Variants in ADAMTS7 observed in about 807,000 individuals in gnomAD.
ADAMTS7 encodes A disintegrin and metalloproteinase with thrombospondin motifs 7.
A neutral mutation model predicts 172.6 loss-of-function variants in ADAMTS7; 89 were observed. The observed-to-expected ratio is 0.52, with a 90% CI of 0.43 to 0.61. The LOEUF (loss-of-function observed/expected upper bound fraction) is 0.61, where lower values mean the gene tolerates loss of function less well. Ranked by LOEUF, ADAMTS7 falls within the 20% of genes least tolerant of loss-of-function variation. The probability of loss-of-function intolerance (pLI) is 0.00; values close to 1 mark genes in which losing one functional copy is unlikely to be tolerated. For missense variants in ADAMTS7, 1,973 were observed against 2,355.6 expected (o/e 0.84, Z 3.36); for synonymous variants, 885 against 978.4 (o/e 0.90, Z 1.78).
chr15:78,783,090 G>C (rs1009261233), intron 8 of ADAMTS7, among the ~76,000 whole-genome samples: 1 of 152,066 alleles, frequency 6.6e-6, no homozygotes, highest in East Asian at 1.9e-4. Context: ...GATTCCTCTC[G>C]GAAAACTGAA....
In ADAMTS7 at chr15:78,763,795, C is replaced by G. The variant is rs751990791; in HGVS notation, c.4644G>C (p.Pro1548=). 1 of 1,587,028 alleles carries G rather than the reference C, an allele frequency of 6.3e-7. No homozygotes were observed. The highest frequency in any genetic ancestry group is 8.6e-7 in the Non-Finnish European group (1 of 1,169,098). Residue 1548 remains proline (P), a synonymous_variant, in exon 22 of 24, where the codon CCG becomes CCC. Transcript: ENST00000388820. ...GCGCCTCCTCGCAGAGGCCTGGCTC[C>G]GGGCAGGTCACTAGACGCTGCTGCT... is the stretch of plus-strand genomic sequence containing the variant. ...GGEQQRLVTC[P]EPGLCEEALR... is the part of the protein sequence containing the mutation.
intron 18 of ADAMTS7, 94 bp from the exon 19 acceptor site, chr15:78,767,145 T>C (rs1279725189): frequency 7.3e-6 from 10 of 1,362,854 alleles, no homozygotes; most frequent in Non-Finnish European, 9.9e-6. Context: ...CTGCCCGATG[T>C]CAGAGTGGCA....
In ADAMTS7 at chr15:78,764,604, C is replaced by T. The variant is rs747025333; in HGVS notation, c.4370G>A (p.Arg1457His). 1.3e-5 allele frequency: 21 copies of T among 1,556,588 alleles called. No individual in the cohort carries two copies. The highest frequency in any genetic ancestry group is 4.5e-4 in the Middle Eastern group (2 of 4,414). ...GGTGGCACAGGGCCGCAGGTGGCAG[C>T]GGCGGGCAGGCTGGGGCCGGCCAGC... is the stretch of plus-strand genomic sequence containing the variant. ...APAGRPQPAR[R>H]CHLRPCATWH... Residue 1457 changes from arginine to histidine, a missense_variant, in exon 20 of 24, where the codon CGC becomes CAC. Coordinates refer to ENST00000388820, the MANE Select transcript of ADAMTS7 (RefSeq NM_014272.5).
chr15:78,791,196 T>C lies in ADAMTS7; in HGVS notation c.847A>G (p.Ile283Val), dbSNP rs775700655. 6.2e-7 allele frequency: 1 copy of C among 1,613,396 alleles called. No individual in the cohort carries two copies. Among genetic ancestry groups the C allele is most frequent in the Non-Finnish European group, 8.5e-7 (1 of 1,179,694 alleles). ...ATGGTGATGTGGATGGGGTTCCCAATGCTGGGGTCATGAAACAGGCCAGCC... is the reference window on the plus strand; with the variant it reads ...ATGGTGATGTGGATGGGGTTCCCAACGCTGGGGTCATGAAACAGGCCAGCC... ...MVAGLFHDPS[I>V]GNPIHITIVR... The change falls in exon 5 of 24, where the codon ATT becomes GTT. Residue 283 changes from isoleucine to valine, a missense_variant. Transcript: ENST00000388820.
At chr15:78,810,782 A>C in intron 1 of ADAMTS7, 1 of 216,306 alleles carries the variant, frequency 4.6e-6, no homozygotes. Context: ...CGCTCCGTCC[A>C]GCCCACTCGG....
chr15:78,799,201 G>A (rs566292293), intron 2 of ADAMTS7, among the ~76,000 whole-genome samples: 17 of 146,538 alleles, frequency 1.2e-4, no homozygotes, highest in African/African-American at 2.7e-4. Flanking sequence ...GGCCCTGTGC[G>A]GCCACAGCCC....
intron 22 of ADAMTS7, among the ~76,000 whole-genome samples, chr15:78,762,801 C>T (rs1181311855): frequency 6.6e-6 from 1 of 152,238 alleles, no homozygotes; most frequent in Admixed American, 6.5e-5. Flanking sequence ...GCGTGAGAAC[C>T]GTGGGACAGC....
chr15:78,807,820 T>A (rs973246262), intron 1 of ADAMTS7, among the ~76,000 whole-genome samples: 4 of 152,148 alleles, frequency 2.6e-5, no homozygotes, highest in African/African-American at 9.7e-5. Context: ...CCTAATGGCT[T>A]AAAAACAAAC....
chr15:78,774,156 A>T lies in ADAMTS7; in HGVS notation c.2010+11T>A. ...GCAGTGCTGGGAGAGCCTCTTCCTA[A>T]CCAGGCACACCTTACAGATGCCGTT... On this transcript the variant is annotated intron_variant, in intron 13 of 23. Transcript: ENST00000388820. The T allele has an allele frequency of 6.3e-7, 1 of 1,590,750 alleles. No individual in the cohort carries two copies. Among genetic ancestry groups the T allele is most frequent in the Non-Finnish European group, 8.5e-7 (1 of 1,177,220 alleles).
chr15:78,762,427 C>T lies in ADAMTS7; in HGVS notation c.4879G>A (p.Asp1627Asn), dbSNP rs760425808. ...PESSRPCGTE[D>N]CEPVEPPRCE... is the part of the protein sequence containing the mutation. ...CGGGGAGGCTCGACGGGCTCACAAT[C>T]CTCGGTGCCACACGGCCGGGAGCTC... The change falls in exon 23 of 24, where the codon GAT (aspartate) becomes AAT (asparagine). Residue 1627 changes from aspartate to asparagine, a missense_variant. Transcript: ENST00000388820. 33 of 1,521,516 alleles carry T rather than the reference C, an allele frequency of 2.2e-5. No homozygotes were observed. The South Asian group carries it at 4.2e-4, about 19-fold the overall frequency. 94.3% of individuals were successfully genotyped at this position (1,521,516 alleles called of 1,614,324 possible). A position where few individuals can be genotyped will look rare whatever the true frequency, so the allele number is the denominator to read the frequency against.
chr15:78,796,646 C>G lies in ADAMTS7; in HGVS notation c.763G>C (p.Val255Leu), dbSNP rs1425119722. 1.2e-6 allele frequency: 2 copies of G among 1,614,148 alleles called. No individual in the cohort carries two copies. The highest frequency in any genetic ancestry group is 1.7e-6 in the Non-Finnish European group (2 of 1,180,028). ...ETLVVADAKM[V>L]EYHGQPQVES... ...ACCTGCGGCTGTCCGTGGTACTCCACCATTTTGGCATCAGCTACTACCAGG... is the reference window on the plus strand; with the variant it reads ...ACCTGCGGCTGTCCGTGGTACTCCAGCATTTTGGCATCAGCTACTACCAGG... The change falls in exon 4 of 24, where the codon GTG becomes CTG. Residue 255 changes from valine (V) to leucine (L), a missense_variant. Val to Leu is a conservative substitution (Grantham distance 32). Coordinates refer to ENST00000388820, the MANE Select transcript of ADAMTS7 (RefSeq NM_014272.5).
rs991287952 is a variant in ADAMTS7, at chr15:78,811,124, G to A, written c.97C>T (p.Pro33Ser). The change falls in exon 1 of 24, where the codon CCA (proline) becomes TCA (serine). Residue 33 changes from proline to serine, a missense_variant. Pro to Ser is a moderately conservative substitution (Grantham distance 74, BLOSUM62 -1). Transcript: ENST00000388820. ...CCGGGGAGGGGCGGACACCCACCTG[G>A]TGCGGGTCCGGGGGCGCCGGGAGCC... Reference protein sequence around the residue: ...ALAPGAPGPAPGRATEGRAAL... With the variant: ...ALAPGAPGPASGRATEGRAAL... The A allele has an allele frequency of 4.1e-6, 5 of 1,229,920 alleles. No homozygotes were observed. The highest frequency in any genetic ancestry group is 5.1e-6 in the Non-Finnish European group (5 of 986,848). 76.2% of individuals were successfully genotyped at this position (1,229,920 alleles called of 1,614,324 possible).
At chr15:78,790,938 C>T (rs117189732) in intron 5 of ADAMTS7, 144 bp from the exon 6 acceptor site, 109,381 of 1,363,036 alleles carry the variant, frequency 0.08, 5,236 homozygotes, top group Non-Finnish European at 0.094. Context: ...CCAGCCTGAC[C>T]ATCCCTCCTG....
At position 78,790,673 on chromosome 15, in the gene ADAMTS7, G is replaced by A. The variant is rs61752495; in HGVS notation, c.1025C>T (p.Thr342Ile). ...CACCCTCCTGCGGCTGCAGTACCTG[G>A]TGAGCAGGATGGCAGTGTCATGGTG... ...PLHHDTAILL[T>I]RKDLCAAMNR... is the part of the protein sequence containing the mutation. Residue 342 changes from threonine to isoleucine, a missense_variant, in exon 6 of 24, where the codon ACC (threonine) becomes ATC (isoleucine). This residue lies in a region of ADAMTS7 where 526 missense variants were observed against 662.9 expected (regional missense o/e 0.79). Transcript: ENST00000388820. 6.2e-7 allele frequency: 1 copy of A among 1,613,700 alleles called. No homozygotes were observed. Among genetic ancestry groups the A allele is most frequent in the Non-Finnish European group, 8.5e-7 (1 of 1,180,016 alleles).
intron 8 of ADAMTS7, among the ~76,000 whole-genome samples, chr15:78,781,624 T>C (rs2055429983): frequency 6.6e-6 from 1 of 152,180 alleles, no homozygotes; most frequent in Admixed American, 6.5e-5. Context: ...GACTTGTCTG[T>C]CTGTCTGTCT....
chr15:78,784,543 A>G (rs2869862), intron 8 of ADAMTS7, among the ~76,000 whole-genome samples: 45,033 of 152,036 alleles, frequency 0.3, 6,811 homozygotes, highest in South Asian at 0.4. Flanking sequence ...AAAATGTAAG[A>G]AAGTTGTCAA....
At chr15:78,806,101 C>T (rs537559550) in intron 1 of ADAMTS7, among the ~76,000 whole-genome samples, 1 of 10,030 alleles carries the variant, frequency 1.0e-4, no homozygotes, top group Non-Finnish European at 3.1e-4. Flanking sequence ...AACACACACA[C>T]ACACACACAC....
chr15:78,806,127 CAAAAAAAAAAAA>C (rs1169680816), intron 1 of ADAMTS7, among the ~76,000 whole-genome samples: 21 of 23,264 alleles, frequency 9.0e-4, no homozygotes, highest in African/African-American at 2.8e-3. Context: ...CACACACACA[CAAAAAAAAAAAA>C]AAAAAAAAAA....
intron 4 of ADAMTS7, among the ~76,000 whole-genome samples, chr15:78,791,683 G>A (rs1231095950): frequency 6.6e-6 from 1 of 152,218 alleles, no homozygotes; most frequent in Non-Finnish European, 1.5e-5. Context: ...AGCATCCCAG[G>A]AGTGCACCCT....
Sources: gnomAD v4.1 joint callset for allele counts (sites outside exome capture counted in the v4.1 genomes callset) on GRCh38, gnomAD v4.1.1 for gene constraint, gnomAD v4.1.1 regional missense constraint, MANE v1.5 for transcripts, NCBI Gene and HGNC (gene_info 2026-07-23, HGNC 2026-07-21) for gene names.